Variants in CANX observed in about 807,000 individuals in gnomAD.
The protein encoded by CANX is calnexin.
CANX carries 14 observed loss-of-function variants against 75.7 expected under a neutral mutation model. The ratio of observed to expected loss-of-function variants is 0.19; its 90% CI spans 0.12 to 0.29. CANX has a LOEUF of 0.29. Among genes scored for constraint, CANX ranks in the 10% least tolerant of loss-of-function variants. The pLI is 1.00. For synonymous variants in CANX, 227 were observed against 236.9 expected (o/e 0.96, Z 0.38); for missense variants, 567 against 713.2 (o/e 0.79, Z 2.34).
At chr5:179,724,838 A>G in intron 13 of CANX, 55 bp downstream of exon 13, 1 of 1,548,328 alleles carries the variant, frequency 6.5e-7, no homozygotes, top group Non-Finnish European at 8.7e-7. Context: ...CGATGTTGTT[A>G]AACCTTTACA....
intron 1 of CANX, among the ~76,000 whole-genome samples, chr5:179,682,628 T>G (rs1290924649): frequency 1.4e-5 from 2 of 147,782 alleles, no homozygotes; most frequent in African/African-American, 5.0e-5. Flanking sequence ...GAGAATCGCT[T>G]GAACCCAGGA....
upstream of CANX, chr5:179,694,250 CTT>C (rs1349997334): frequency 2.5e-6 from 1 of 401,178 alleles, no homozygotes; most frequent in East Asian, 4.3e-5. Flanking sequence ...CTTATGTCTT[CTT>C]TGTGCAGACA....
chr5:179,730,564 C>A lies in CANX; in HGVS notation c.*1920C>A, dbSNP rs377378185. ...GACAGTATATGTCATGCCTCACTTT[C>A]TTCTAGCTGAGCTTTAAATCATTAG... On this transcript the variant is annotated 3_prime_UTR_variant, in exon 15 of 15. Coordinates refer to ENST00000247461, the MANE Select transcript of CANX (RefSeq NM_001746.4). 4.6e-5 allele frequency: 7 copies of A among 152,322 alleles called. No homozygotes were observed. In the East Asian group the frequency reaches 1.2e-3, roughly 25 times the overall value. The allele number at this position is 152,322 out of a possible 1,614,324, so 9.4% of individuals were successfully genotyped here.
intron 4 of CANX, 90 bp downstream of exon 4, chr5:179,707,280 A>G: frequency 2.5e-6 from 2 of 812,752 alleles, no homozygotes; most frequent in African/African-American, 1.7e-5. Context: ...TTAAAAGGAC[A>G]TAGTAGGCTT....
chr5:179,714,518 A>ATTT (rs1197707587), intron 7 of CANX, among the ~76,000 whole-genome samples: 2 of 149,480 alleles, frequency 1.3e-5, no homozygotes, highest in South Asian at 4.2e-4. Context: ...TTTTTTATTT[A>ATTT]TTTTTATTTT....
In CANX at chr5:179,730,293, A is replaced by ACT. The variant is rs745909899; in HGVS notation, c.*1649_*1650insCT. On this transcript the variant is annotated 3_prime_UTR_variant, in exon 15 of 15. Coordinates refer to ENST00000247461, the MANE Select transcript of CANX (RefSeq NM_001746.4). Reference sequence around the variant, plus strand: ...TGTATCTATTTTTTTTTCTTTTTAAAGTTTGTTCACTTAAATTCTTTTGAG... The same window carrying ACT: ...TGTATCTATTTTTTTTTCTTTTTAAACTGTTTGTTCACTTAAATTCTTTTGAG... 42,451 of 152,026 alleles carry ACT rather than the reference A, an allele frequency of 0.28. 6,198 individuals are homozygous for ACT. The highest frequency in any genetic ancestry group is 0.34 in the Non-Finnish European group (22,839 of 67,798). The allele number at this position is 152,026 out of a possible 1,614,324, so 9.4% of individuals were successfully genotyped here. A position where few individuals can be genotyped will look rare whatever the true frequency, so the allele number is the denominator to read the frequency against.
At chr5:179,709,214 G>A (rs1777357506) in intron 6 of CANX, among the ~76,000 whole-genome samples, 155 bp downstream of exon 6, 2 of 152,124 alleles carry the variant, frequency 1.3e-5, no homozygotes, top group Non-Finnish European at 2.9e-5. Context: ...AGGAGATTGA[G>A]ACTATCTGGC....
rs777341153 is a variant in CANX at position 179,724,762 on chromosome 5, G to C, written c.1624G>C (p.Glu542Gln). 6.2e-7 allele frequency: 1 copy of C among 1,610,666 alleles called. No homozygotes were observed. The highest frequency in any genetic ancestry group is 8.5e-7 in the Non-Finnish European group (1 of 1,177,596). ...GGAAAAGGACAAGGGAGATGAGGAG[G>C]AGGAAGGAGAAGAGAAACTTGGTAA... is the stretch of plus-strand genomic sequence containing the variant. The part of the protein sequence containing the change: ...EEEKDKGDEE[E>Q]EGEEKLEEKQ... The change falls in exon 13 of 15, where the codon GAG becomes CAG. Residue 542 changes from glutamate to glutamine, a missense_variant. By Grantham distance (29) the Glu-to-Gln change is conservative (BLOSUM62 2). Coordinates refer to ENST00000247461, the MANE Select transcript of CANX (RefSeq NM_001746.4).
chr5:179,717,033 A>T (rs1300417764), intron 8 of CANX, among the ~76,000 whole-genome samples: 1 of 152,192 alleles, frequency 6.6e-6, no homozygotes, highest in Non-Finnish European at 1.5e-5. Context: ...TTGAAGAGTG[A>T]GGAGAAATGA....
intron 7 of CANX, among the ~76,000 whole-genome samples, chr5:179,710,880 C>T (rs141156947): frequency 0.017 from 2,618 of 151,196 alleles, 79 homozygotes; most frequent in African/African-American, 0.057. Flanking sequence ...TGGTAAAACC[C>T]CGTCTCTACT....
chr5:179,713,217 G>T (rs1269048263), intron 7 of CANX, among the ~76,000 whole-genome samples: 1 of 151,752 alleles, frequency 6.6e-6, no homozygotes, highest in African/African-American at 2.4e-5. Context: ...CAGTAGCTGG[G>T]ATTACAGGCA....
At chr5:179,679,209 G>C in intron 1 of CANX, 1 of 1,534,320 alleles carries the variant, frequency 6.5e-7, no homozygotes, top group Non-Finnish European at 8.7e-7. Flanking sequence ...CTCGTGCTGC[G>C]CTCTTGTCTC....
chr5:179,728,808 G>A lies in CANX; in HGVS notation c.*164G>A, dbSNP rs72809773. The A allele has an allele frequency of 0.027, 19,032 of 702,254 alleles. 387 individuals are homozygous for A. The highest frequency in any genetic ancestry group is 0.036 in the Non-Finnish European group (13,557 of 375,918). 43.5% of individuals were successfully genotyped at this position (702,254 alleles called of 1,614,324 possible). A position where few individuals can be genotyped will look rare whatever the true frequency, so the allele number is the denominator to read the frequency against. On this transcript the variant is annotated 3_prime_UTR_variant, in exon 15 of 15. Coordinates refer to ENST00000247461, the MANE Select transcript of CANX (RefSeq NM_001746.4). ...TAGTCTGTGTAACTTTAAACATCTA[G>A]CAGTAAATACTTGCAGTTGTGATAT...
chr5:179,681,688 A>G (rs1417748103), intron 1 of CANX, among the ~76,000 whole-genome samples: 2 of 152,264 alleles, frequency 1.3e-5, no homozygotes, highest in East Asian at 3.9e-4. Context: ...CACCAGTGAT[A>G]GGGATCTCAG....
intron 11 of CANX, chr5:179,723,378 G>T: frequency 2.3e-6 from 1 of 440,462 alleles, no homozygotes; most frequent in South Asian, 4.1e-5. Flanking sequence ...GAGAGCCAGG[G>T]ATACTGAGAT....
rs1167404870 is a variant in CANX, at chr5:179,679,115, G to A, written c.-4+338G>A. 4.6e-6 allele frequency: 7 copies of A among 1,535,546 alleles called. No individual in the cohort carries two copies. The highest frequency in any genetic ancestry group is 3.6e-5 in the South Asian group (3 of 84,036). ...CTGCCACAGGCGGCTGGCATGGCTC[G>A]TAGCCGAGCACTCGAAGGTTGCCAG... On this transcript the variant is annotated intron_variant, in intron 1 of 14. Transcript: ENST00000681674.
chr5:179,683,814 G>T (rs1188899283), intron 1 of CANX, among the ~76,000 whole-genome samples: 1 of 152,138 alleles, frequency 6.6e-6, no homozygotes, highest in East Asian at 1.9e-4. Context: ...AATTACAGGT[G>T]TGAGCCACCG....
intron 7 of CANX, among the ~76,000 whole-genome samples, chr5:179,713,787 A>C (rs1777739432): frequency 6.6e-6 from 1 of 151,968 alleles, no homozygotes; most frequent in South Asian, 2.1e-4. Flanking sequence ...GGTAGCATGT[A>C]CCTCTAGTCC....
At chr5:179,705,974 C>T (rs181561204) in intron 2 of CANX, 122 bp downstream of exon 2, 44 of 721,874 alleles carry the variant, frequency 6.1e-5, no homozygotes, top group Non-Finnish European at 8.3e-5. Context: ...AGTGTGAGTC[C>T]AGCCTTGGCA....
Sources: gnomAD v4.1 joint callset for allele counts (sites outside exome capture counted in the v4.1 genomes callset) on GRCh38, gnomAD v4.1.1 for gene constraint, MANE v1.5 for transcripts, NCBI Gene and HGNC (gene_info 2026-07-23, HGNC 2026-07-21) for gene names.